Variants in TMEM95 observed in about 807,000 individuals in gnomAD.
TMEM95 encodes the protein sperm-egg fusion protein TMEM95.
A neutral mutation model predicts 27.7 loss-of-function variants in TMEM95; 21 were observed. The ratio of observed to expected loss-of-function variants is 0.76; its 90% CI spans 0.54 to 1.09. TMEM95 has a LOEUF of 1.09. Among genes scored for constraint, TMEM95 ranks in the 50% least tolerant of loss-of-function variants. TMEM95 has a pLI of 0.00. For synonymous variants in TMEM95, 77 were observed against 85.7 expected (o/e 0.90, Z 0.56); for missense variants, 203 against 217.9 (o/e 0.93, Z 0.43).
At position 7,355,276 on chromosome 17, in the gene TMEM95, C is replaced by T; in HGVS notation, c.72C>T (p.Ala24=). ...AQACVFCRLP[A]HDLSGRLARL... is the part of the protein sequence containing the mutation. ...CTTGTGTCTTCTGTCGCCTCCCAGC[C>T]CACGACTTGTCAGGCCGCCTGGCTC... is the stretch of plus-strand genomic sequence containing the variant. The change falls in exon 1 of 7, where the codon GCC becomes GCT. Residue 24 remains alanine, a synonymous_variant. Coordinates refer to ENST00000576060, the MANE Select transcript of TMEM95 (RefSeq NM_001320436.2). This position sits in a 1 kb window ranked among gnomAD's most constrained non-coding sequence, Gnocchi z 4.9. The T allele has an allele frequency of 6.2e-7, 1 of 1,614,066 alleles. No homozygotes were observed. Among genetic ancestry groups the T allele is most frequent in the Non-Finnish European group, 8.5e-7 (1 of 1,179,962 alleles).
intron 4 of TMEM95, 48 bp from the exon 5 acceptor site, chr17:7,356,148 G>A (rs2073496062): frequency 1.3e-6 from 2 of 1,596,318 alleles, no homozygotes; most frequent in Non-Finnish European, 1.7e-6. Context: ...CAGGCAGGGT[G>A]GAGGCCCGGC....
chr17:7,355,209 G>A lies in TMEM95; in HGVS notation c.5G>A (p.Trp2Ter), dbSNP rs1398294111. M[W>*]RLALGGVFLA... ...CCCCATCCCCCAGTGGTCCTCATGT[G>A]GAGGCTGGCACTAGGCGGGGTTTTC... The change falls in exon 1 of 7, where the codon TGG (tryptophan) becomes TAG (stop). Residue 2 changes from tryptophan (W) to a stop codon, truncating the protein, a stop_gained. Coordinates refer to ENST00000576060, the MANE Select transcript of TMEM95 (RefSeq NM_001320436.2). LOFTEE classifies it high-confidence loss of function. This position sits in a 1 kb window ranked among gnomAD's most constrained non-coding sequence, Gnocchi z 4.9. 1 of 1,612,640 alleles carries A rather than the reference G, an allele frequency of 6.2e-7. No individual in the cohort carries two copies. The highest frequency in any genetic ancestry group is 8.5e-7 in the Non-Finnish European group (1 of 1,179,604).
chr17:7,355,507 C>A lies in TMEM95; in HGVS notation c.170-79C>A. 6.5e-7 allele frequency: 1 copy of A among 1,533,102 alleles called. No homozygotes were observed. Among genetic ancestry groups the A allele is most frequent in the South Asian group, 1.2e-5 (1 of 82,728 alleles). 95.0% of individuals were successfully genotyped at this position (1,533,102 alleles called of 1,614,324 possible). ...ATGCTGGCCTTTCCCTCTGAGAGAG[C>A]TCCATATCTGGGAAAGTCAGGAGAG... On this transcript the variant is annotated intron_variant, in intron 1 of 6. Transcript: ENST00000576060. This position sits in a 1 kb window ranked among gnomAD's most constrained non-coding sequence, Gnocchi z 4.9.
At position 7,356,742 on chromosome 17, in the gene TMEM95, T is replaced by A. The variant is rs1311260641; in HGVS notation, c.*110T>A. ...CTTAGTCCCAGCTCCAAAGACAGTC[T>A]CCAGACCCTAAAACCCAGACATCCC... On this transcript the variant is annotated 3_prime_UTR_variant, in exon 7 of 7. Transcript: ENST00000576060. 1.6e-6 allele frequency: 2 copies of A among 1,221,644 alleles called. No individual in the cohort carries two copies. The highest frequency in any genetic ancestry group is 4.5e-5 in the Admixed American group (2 of 44,114). 75.7% of individuals were successfully genotyped at this position (1,221,644 alleles called of 1,614,324 possible).
rs748635521 is a variant in TMEM95, at chr17:7,356,586, C to T, written c.498-13C>T. 6.2e-6 allele frequency: 10 copies of T among 1,610,770 alleles called. No individual in the cohort carries two copies. The highest frequency in any genetic ancestry group is 5.3e-5 in the African/African-American group (4 of 74,850). On this transcript the variant is annotated splice_polypyrimidine_tract_variant and intron_variant, in intron 6 of 6. Coordinates refer to ENST00000576060, the MANE Select transcript of TMEM95 (RefSeq NM_001320436.2). ...GCCCCTCCCGTAGGCTTCCCACCCT[C>T]GTCTTCCCTCAGGTCCCACCACCTC...
Position 7,355,876 on chromosome 17 carries a change from A to T in TMEM95, c.265A>T (p.Ser89Cys). The T allele has an allele frequency of 6.2e-7, 1 of 1,613,842 alleles. No homozygotes were observed. Among genetic ancestry groups the T allele is most frequent in the Non-Finnish European group, 8.5e-7 (1 of 1,179,938 alleles). The part of the protein sequence containing the change: ...EAVSSLPSYW[S>C]WLRKTKLPEY... ...TGTCTCCTCACTCCCTTCATATTGG[A>T]GTTGGCTTCGAAAGACCAAGCTCCC... Residue 89 changes from serine to cysteine, a missense_variant, in exon 3 of 7, where the codon AGT (serine) becomes TGT (cysteine). Physicochemically the swap from Ser to Cys is moderately radical, Grantham distance 112 (BLOSUM62 -1). Transcript: ENST00000576060. This position sits in a 1 kb window ranked among gnomAD's most constrained non-coding sequence, Gnocchi z 4.9.
Position 7,355,953 on chromosome 17 carries a change from G to A in TMEM95, c.307+35G>A. On this transcript the variant is annotated intron_variant, in intron 3 of 6. Transcript: ENST00000576060. The surrounding 1 kb of genome is among the most constrained non-coding windows in gnomAD (Gnocchi z 4.9). ...CGGGATGGGCCTCAAGGGGAGCCTA[G>A]GGTCTTAACCAAAGGAATGTGTGGT... The A allele has an allele frequency of 6.2e-7, 1 of 1,613,666 alleles. No homozygotes were observed. Among genetic ancestry groups the A allele is most frequent in the Non-Finnish European group, 8.5e-7 (1 of 1,179,650 alleles).
chr17:7,355,709 G>T lies in TMEM95; in HGVS notation c.226+67G>T. ...TACCAAGGAGAGGGACGGGTGACAG[G>T]GGTTGGGGTGGGCAGGGAAGGGTGG... is the stretch of plus-strand genomic sequence containing the variant. On this transcript the variant is annotated intron_variant, in intron 2 of 6. Coordinates refer to ENST00000576060, the MANE Select transcript of TMEM95 (RefSeq NM_001320436.2). This position sits in a 1 kb window ranked among gnomAD's most constrained non-coding sequence, Gnocchi z 4.9. 2.0e-6 allele frequency: 3 copies of T among 1,497,882 alleles called. No individual in the cohort carries two copies. The Admixed American group carries it at 5.2e-5, about 26-fold the overall frequency. The allele number at this position is 1,497,882 out of a possible 1,614,324, so 92.8% of individuals were successfully genotyped here.
Position 7,355,614 on chromosome 17 carries a change from G to A in TMEM95, c.198G>A (p.Glu66=). 6.4e-7 allele frequency: 1 copy of A among 1,557,680 alleles called. No individual in the cohort carries two copies. Among genetic ancestry groups the A allele is most frequent in the Non-Finnish European group, 8.7e-7 (1 of 1,149,898 alleles). Residue 66 remains glutamate (E), a synonymous_variant, in exon 2 of 7, where the codon GAG becomes GAA. Coordinates refer to ENST00000576060, the MANE Select transcript of TMEM95 (RefSeq NM_001320436.2). This position sits in a 1 kb window ranked among gnomAD's most constrained non-coding sequence, Gnocchi z 4.9. Reference sequence around the variant, plus strand: ...AGGTGTCCATGAACAAAGTCACAGAGAAGACTCACAGAGTCCTGAGGGTCA... The same window carrying A: ...AGGTGTCCATGAACAAAGTCACAGAAAAGACTCACAGAGTCCTGAGGGTCA... ...LDEVSMNKVT[E]KTHRVLRVME...
chr17:7,357,044 T>G lies in TMEM95; in HGVS notation c.*412T>G. ...CCCCAGAAGCTATTCCAGGCCCTCC[T>G]ATGACTGATGGGGAATCCGGGAATG... On this transcript the variant is annotated 3_prime_UTR_variant, in exon 7 of 7. Coordinates refer to ENST00000576060, the MANE Select transcript of TMEM95 (RefSeq NM_001320436.2). 1 of 241,844 alleles carries G rather than the reference T, an allele frequency of 4.1e-6. No homozygotes were observed. Among genetic ancestry groups the G allele is most frequent in the Admixed American group, 5.2e-5 (1 of 19,306 alleles). The allele number at this position is 241,844 out of a possible 1,614,324, so 15.0% of individuals were successfully genotyped here.
rs757751151 is a variant in TMEM95 at position 7,355,656 on chromosome 17, GA to G, written c.226+17del. 3.1e-5 allele frequency: 46 copies of G among 1,487,420 alleles called. No homozygotes were observed. The highest frequency in any genetic ancestry group is 4.3e-5 in the African/African-American group (3 of 70,550). 92.1% of individuals were successfully genotyped at this position (1,487,420 alleles called of 1,614,324 possible). A position where few individuals can be genotyped will look rare whatever the true frequency, so the allele number is the denominator to read the frequency against. On this transcript the variant is annotated intron_variant, in intron 2 of 6. Coordinates refer to ENST00000576060, the MANE Select transcript of TMEM95 (RefSeq NM_001320436.2). This position sits in a 1 kb window ranked among gnomAD's most constrained non-coding sequence, Gnocchi z 4.9. Reference sequence around the variant, plus strand: ...TGAGGGTCATGGGTGAGGTCAAGGGGAAAGAGTGACCTAGGGGCTTGGGAGG... The same window carrying G: ...TGAGGGTCATGGGTGAGGTCAAGGGGAAGAGTGACCTAGGGGCTTGGGAGG...
At position 7,356,458 on chromosome 17, in the gene TMEM95, G is replaced by A. The variant is rs746076396; in HGVS notation, c.476G>A (p.Gly159Asp). Residue 159 changes from glycine (G) to aspartate (D), a missense_variant, in exon 6 of 7, where the codon GGT becomes GAT. Coordinates refer to ENST00000576060, the MANE Select transcript of TMEM95 (RefSeq NM_001320436.2). ...LSIFGAFLLL[G>D]VLSLLVESHH... ...ATCTTCGGAGCTTTCCTGCTTCTGG[G>A]TGTTCTGAGCCTCCTGGTGGAGTGA... is the stretch of plus-strand genomic sequence containing the variant. The A allele has an allele frequency of 6.2e-7, 1 of 1,614,052 alleles. No homozygotes were observed. Among genetic ancestry groups the A allele is most frequent in the Non-Finnish European group, 8.5e-7 (1 of 1,180,004 alleles).
chr17:7,355,688 A>G lies in TMEM95; in HGVS notation c.226+46A>G. The G allele has an allele frequency of 1.3e-6, 2 of 1,500,636 alleles. No individual in the cohort carries two copies. Among genetic ancestry groups the G allele is most frequent in the Non-Finnish European group, 1.8e-6 (2 of 1,091,456 alleles). 93.0% of individuals were successfully genotyped at this position (1,500,636 alleles called of 1,614,324 possible). A position where few individuals can be genotyped will look rare whatever the true frequency, so the allele number is the denominator to read the frequency against. Reference sequence around the variant, plus strand: ...TGACCTAGGGGCTTGGGAGGATACCAAGGAGAGGGACGGGTGACAGGGGTT... The same window carrying G: ...TGACCTAGGGGCTTGGGAGGATACCGAGGAGAGGGACGGGTGACAGGGGTT... On this transcript the variant is annotated intron_variant, in intron 2 of 6. Coordinates refer to ENST00000576060, the MANE Select transcript of TMEM95 (RefSeq NM_001320436.2). The surrounding 1 kb of genome is among the most constrained non-coding windows in gnomAD (Gnocchi z 4.9).
chr17:7,356,886 C>A lies in TMEM95; in HGVS notation c.*254C>A, dbSNP rs1378296325. 1.1e-5 allele frequency: 6 copies of A among 523,676 alleles called. No homozygotes were observed. The highest frequency in any genetic ancestry group is 2.0e-5 in the Non-Finnish European group (6 of 295,040). The allele number at this position is 523,676 out of a possible 1,614,324, so 32.4% of individuals were successfully genotyped here. ...GGCACCCACAGCTGGAAAGTTCCTC[C>A]CCTCCAGCCCTCAACCAATCACATG... On this transcript the variant is annotated 3_prime_UTR_variant, in exon 7 of 7. Coordinates refer to ENST00000576060, the MANE Select transcript of TMEM95 (RefSeq NM_001320436.2).
chr17:7,355,543 C>A lies in TMEM95; in HGVS notation c.170-43C>A. ...GGAAAGTCAGGAGAGACCCCAGAAC[C>A]TGGGCTGATGAGGGAATCGCTGGTC... On this transcript the variant is annotated intron_variant, in intron 1 of 6. Coordinates refer to ENST00000576060, the MANE Select transcript of TMEM95 (RefSeq NM_001320436.2). This position sits in a 1 kb window ranked among gnomAD's most constrained non-coding sequence, Gnocchi z 4.9. The A allele has an allele frequency of 6.4e-7, 1 of 1,550,440 alleles. No homozygotes were observed. Among genetic ancestry groups the A allele is most frequent in the East Asian group, 2.4e-5 (1 of 40,994 alleles).
Position 7,355,196 on chromosome 17 carries a change from G to C in TMEM95, c.-9G>C. The C allele has an allele frequency of 6.2e-7, 1 of 1,611,444 alleles. No individual in the cohort carries two copies. Among genetic ancestry groups the C allele is most frequent in the South Asian group, 1.1e-5 (1 of 90,676 alleles). On this transcript the variant is annotated 5_prime_UTR_variant, in exon 1 of 7. Coordinates refer to ENST00000576060, the MANE Select transcript of TMEM95 (RefSeq NM_001320436.2). This position sits in a 1 kb window ranked among gnomAD's most constrained non-coding sequence, Gnocchi z 4.9. The stretch of plus-strand genomic sequence containing the variant: ...TGGGGCAGCGCCGCCCCATCCCCCA[G>C]TGGTCCTCATGTGGAGGCTGGCACT...
At position 7,356,072 on chromosome 17, in the gene TMEM95, A is replaced by G. The variant is rs761907567; in HGVS notation, c.328+23A>G. ...GCCGTGAGTAGGAAAGGAAAGGGGT[A>G]GCAAGGACCTGGGGCCTGCAGGGTG... On this transcript the variant is annotated intron_variant, in intron 4 of 6. Coordinates refer to ENST00000576060, the MANE Select transcript of TMEM95 (RefSeq NM_001320436.2). The G allele has an allele frequency of 2.5e-6, 4 of 1,614,038 alleles. No individual in the cohort carries two copies. In the Admixed American group the frequency reaches 5.0e-5, roughly 20 times the overall value.
At position 7,355,267 on chromosome 17, in the gene TMEM95, C is replaced by A; in HGVS notation, c.63C>A (p.Arg21=). 6.2e-7 allele frequency: 1 copy of A among 1,614,000 alleles called. No homozygotes were observed. Among genetic ancestry groups the A allele is most frequent in the Non-Finnish European group, 8.5e-7 (1 of 1,179,942 alleles). ...CCGCCCAGGCTTGTGTCTTCTGTCGCCTCCCAGCCCACGACTTGTCAGGCC... is the reference window on the plus strand; with the variant it reads ...CCGCCCAGGCTTGTGTCTTCTGTCGACTCCCAGCCCACGACTTGTCAGGCC... ...LAAAQACVFC[R]LPAHDLSGRL... Residue 21 remains arginine, a synonymous_variant, in exon 1 of 7, where the codon CGC becomes CGA. Coordinates refer to ENST00000576060, the MANE Select transcript of TMEM95 (RefSeq NM_001320436.2). The surrounding 1 kb of genome is among the most constrained non-coding windows in gnomAD (Gnocchi z 4.9).
At position 7,356,658 on chromosome 17, in the gene TMEM95, A is replaced by G. The variant is rs1007903956; in HGVS notation, c.*26A>G. On this transcript the variant is annotated 3_prime_UTR_variant, in exon 7 of 7. Transcript: ENST00000576060. ...AGACGCTGAAAACCTCCCAGCCTCC[A>G]GCTCTAAGGGGTATGCACTCACAAC... The G allele has an allele frequency of 6.2e-7, 1 of 1,611,880 alleles. No individual in the cohort carries two copies. Among genetic ancestry groups the G allele is most frequent in the Non-Finnish European group, 8.5e-7 (1 of 1,178,842 alleles).
Sources: gnomAD v4.1 joint callset for allele counts on GRCh38, gnomAD v4.1.1 for gene constraint, Gnocchi (gnomAD v3.1) non-coding constraint, MANE v1.5 for transcripts, NCBI Gene and HGNC (gene_info 2026-07-23, HGNC 2026-07-21) for gene names.